The following INSL6 variants were observed in gnomAD, a reference collection of about 807,000 sequenced individuals.
INSL6 encodes insulin like 6.
INSL6 carries 16 observed loss-of-function variants against 9.4 expected under a neutral mutation model. That is an observed-to-expected ratio of 1.70 (90% CI 1.15 to 2.59). INSL6 has a LOEUF of 2.59. Among genes scored for constraint, INSL6 ranks in the 30% most tolerant of loss-of-function variants. INSL6 has a pLI of 0.00. For synonymous variants in INSL6, 154 were observed against 96.9 expected (o/e 1.59, Z -3.46); for missense variants, 391 against 257.3 (o/e 1.52, Z -3.56).
At chr9:5,138,348 A>G in intron 2 of INSL6, among the ~76,000 whole-genome samples, 1 of 152,222 alleles carries the variant, frequency 6.6e-6, no homozygotes, top group East Asian at 1.9e-4. Context: ...CCCATCAGTG[A>G]TAGACTGGAT....
At position 5,177,986 on chromosome 9, in the gene INSL6, C is replaced by T. The variant is rs565197081; in HGVS notation, c.289+7328G>A. Among the ~76,000 whole-genome samples, 6 of 152,326 alleles carry T rather than the reference C, an allele frequency of 3.9e-5. No homozygotes were observed. In the South Asian group the frequency reaches 6.2e-4, roughly 16 times the overall value. On this transcript the variant is annotated intron_variant, in intron 1 of 1. Coordinates refer to ENST00000381641, the MANE Select transcript of INSL6 (RefSeq NM_007179.3). ...CACCTCCCAGGTTCAAGCGATTCTCCCGCCTCAGCCTCCCAAGTAGCTGGG... is the reference window on the plus strand; with the variant it reads ...CACCTCCCAGGTTCAAGCGATTCTCTCGCCTCAGCCTCCCAAGTAGCTGGG...
the INSL6 span, chr9:5,111,771 C>T: frequency 7.1e-6 from 3 of 422,100 alleles, no homozygotes; most frequent in African/African-American, 4.1e-5. Flanking sequence ...GGTGGGCTTC[C>T]GGCTGCATCC....
the INSL6 span, chr9:5,070,029 A>C: frequency 6.2e-7 from 1 of 1,606,580 alleles, no homozygotes; most frequent in Non-Finnish European, 8.5e-7. Flanking sequence ...GTTTCACAAA[A>C]TCAGAAATGA....
At chr9:5,098,094 A>G in the INSL6 span, 1 of 152,202 alleles carries the variant, frequency 6.6e-6, no homozygotes, top group Non-Finnish European at 1.5e-5. Context: ...TTTGTTTCGA[A>G]AAGAAAAACT....
chr9:5,054,891 C>T, the INSL6 span: 1 of 1,545,478 alleles, frequency 6.5e-7, no homozygotes. The surrounding 1 kb of genome is among the most constrained non-coding windows in gnomAD (Gnocchi z 4.9). Flanking sequence ...ACAGGTAATC[C>T]TTAATGATAT....
intron 2 of INSL6, among the ~76,000 whole-genome samples, chr9:5,147,723 C>G (rs185428400): frequency 3.9e-4 from 59 of 152,164 alleles, no homozygotes; most frequent in Non-Finnish European, 1.5e-5. Flanking sequence ...TTACATAATC[C>G]CATATTTCTT....
chr9:5,050,960 C>G, the INSL6 span: 4 of 794,566 alleles, frequency 5.0e-6, no homozygotes, highest in Non-Finnish European at 8.0e-6. Flanking sequence ...ATCTAAAATG[C>G]TTGGAATCAG....
chr9:5,094,750 AAT>A, the INSL6 span: 2 of 152,192 alleles, frequency 1.3e-5, no homozygotes, highest in Admixed American at 1.3e-4. Flanking sequence ...TTTATAGCAG[AAT>A]ATATGAATAT....
At chr9:5,102,305 A>G in the INSL6 span, among the ~76,000 whole-genome samples, 1 of 152,216 alleles carries the variant, frequency 6.6e-6, no homozygotes, top group Admixed American at 6.5e-5. Flanking sequence ...TTGAAGATCA[A>G]ATTAATGAAA....
chr9:5,104,523 C>T, the INSL6 span, among the ~76,000 whole-genome samples: 3 of 152,150 alleles, frequency 2.0e-5, no homozygotes, highest in South Asian at 4.1e-4. Flanking sequence ...CTATTCCAAT[C>T]AATGGAAAAA....
chr9:5,075,352 C>T, the INSL6 span, among the ~76,000 whole-genome samples: 1 of 152,204 alleles, frequency 6.6e-6, no homozygotes, highest in African/African-American at 2.4e-5. Flanking sequence ...AGGACTTCCA[C>T]AGCTAGAGAG....
chr9:5,054,548 C>T, the INSL6 span: 2 of 1,537,286 alleles, frequency 1.3e-6, no homozygotes, highest in Non-Finnish European at 1.8e-6. The surrounding 1 kb of genome is among the most constrained non-coding windows in gnomAD (Gnocchi z 4.9). Flanking sequence ...TCTGTATGTG[C>T]TTTTTTATCC....
intron 2 of INSL6, among the ~76,000 whole-genome samples, chr9:5,156,371 A>G (rs955351963): frequency 5.3e-5 from 8 of 152,298 alleles, no homozygotes; most frequent in Admixed American, 3.9e-4. Flanking sequence ...GAACCAGATA[A>G]AGACATAAAA....
At chr9:5,148,653 G>C (rs1392358395) in intron 2 of INSL6, among the ~76,000 whole-genome samples, 5 of 152,180 alleles carry the variant, frequency 3.3e-5, no homozygotes, top group Non-Finnish European at 2.9e-5. Context: ...TCCTGAGAGT[G>C]TGGGCTCCTT....
chr9:5,078,372 A>T, the INSL6 span: 12 of 1,612,790 alleles, frequency 7.4e-6, no homozygotes, highest in Non-Finnish European at 1.0e-5. Flanking sequence ...AGAAGAAGAC[A>T]GGAAGACAGG....
chr9:5,006,389 G>A, the INSL6 span, among the ~76,000 whole-genome samples: 1 of 151,916 alleles, frequency 6.6e-6, no homozygotes, highest in Admixed American at 6.6e-5. Context: ...GGAGATTTTG[G>A]GCTGAGACAA....
chr9:5,134,599 T>A (rs12337481), intron 2 of INSL6, among the ~76,000 whole-genome samples: 1 of 151,954 alleles, frequency 6.6e-6, no homozygotes, highest in Non-Finnish European at 1.5e-5. Flanking sequence ...AGCTTCGTAA[T>A]TGAAGGAGAA....
At chr9:5,079,398 C>A in the INSL6 span, among the ~76,000 whole-genome samples, 3 of 152,134 alleles carry the variant, frequency 2.0e-5, no homozygotes, top group Admixed American at 6.6e-5. Flanking sequence ...TTGAGAAATT[C>A]CGTGATTTGA....
chr9:5,031,003 A>C, the INSL6 span, among the ~76,000 whole-genome samples: 1 of 152,142 alleles, frequency 6.6e-6, no homozygotes, highest in Non-Finnish European at 1.5e-5. Flanking sequence ...AGCTACAAAA[A>C]CCCTTAACTA....
Sources: allele counts gnomAD v4.1 joint callset (sites outside exome capture counted in the v4.1 genomes callset), GRCh38; gene constraint gnomAD v4.1.1; non-coding constraint Gnocchi (gnomAD v3.1); transcripts MANE v1.5; gene names NCBI Gene and HGNC (gene_info 2026-07-23, HGNC 2026-07-21).